The following PLD1 variants were observed in gnomAD, a reference collection of about 807,000 sequenced individuals.
PLD1 encodes the protein phospholipase D1.
Under a neutral mutation model 137.1 loss-of-function variants are expected in PLD1, and 112 were observed. The ratio of observed to expected loss-of-function variants is 0.82; its 90% confidence interval spans 0.70 to 0.96. The LOEUF (loss-of-function observed/expected upper bound fraction) is 0.96. PLD1 is among the 40% of genes least tolerant of loss of function. The pLI is 0.00. For missense variants in PLD1, 1,321 were observed against 1,342.0 expected, an observed-to-expected ratio of 0.98 and a Z score of 0.24; for synonymous variants, 431 against 454.7, an observed-to-expected ratio of 0.95 and a Z score of 0.66.
Position 171,737,648 on chromosome 3 carries a change from AAGGG to A in PLD1, c.168_171del (p.Pro57SerfsTer24). Reference sequence around the variant, plus strand: ...CCTTGAGTGTTATAAATAGCAGAGAAAGGGATATACACTAAAAAAAAAAGTAAAT... The same window carrying A: ...CCTTGAGTGTTATAAATAGCAGAGAAATATACACTAAAAAAAAAAGTAAAT... On this transcript the variant is annotated frameshift_variant, in exon 3 of 27. Coordinates refer to ENST00000351298, the MANE Select transcript of PLD1 (RefSeq NM_002662.5). LOFTEE classifies it high-confidence loss of function. 6.4e-7 allele frequency: 1 copy of A among 1,561,224 alleles called. No homozygotes were observed. The highest frequency in any genetic ancestry group is 8.8e-7 in the Non-Finnish European group (1 of 1,136,526).
chr3:171,802,523 AT>A (rs150605252), intron 1 of PLD1, among the ~76,000 whole-genome samples: 3,361 of 152,288 alleles, frequency 0.022, 76 homozygotes, highest in Non-Finnish European at 0.028. Flanking sequence ...GAATAGCATG[AT>A]TAAAAGGCCC....
At chr3:171,629,212 C>A (rs1419502136) in intron 23 of PLD1, among the ~76,000 whole-genome samples, 2 of 151,918 alleles carry the variant, frequency 1.3e-5, no homozygotes. Context: ...TTCTTATACA[C>A]CAATAACAGA....
chr3:171,635,557 A>C (rs1735032324), intron 23 of PLD1, among the ~76,000 whole-genome samples: 1 of 152,004 alleles, frequency 6.6e-6, no homozygotes, highest in African/African-American at 2.4e-5. Context: ...ATCCAGTTGA[A>C]TATCTTCTTT....
At chr3:171,752,404 TG>T (rs1341024459) in intron 1 of PLD1, among the ~76,000 whole-genome samples, 1 of 152,232 alleles carries the variant, frequency 6.6e-6, no homozygotes, top group Non-Finnish European at 1.5e-5. Flanking sequence ...CATACAAATC[TG>T]ACATTTTTTC....
chr3:171,647,015 A>T lies in PLD1; in HGVS notation c.2430-1992T>A, dbSNP rs1471459999. On this transcript the variant is annotated intron_variant, in intron 21 of 26. Transcript: ENST00000351298. ...TGGCTCTTCCAGTCAGAGTTGTTTT[A>T]TTCTTGCCTCGGCACTCATAGCACA... 2.0e-5 allele frequency among the ~76,000 whole-genome samples: 3 copies of T among 152,046 alleles called. No homozygotes were observed. In the East Asian group the frequency reaches 5.8e-4, roughly 29 times the overall value.
chr3:171,649,151 T>C (rs1371875966), intron 21 of PLD1, among the ~76,000 whole-genome samples: 3 of 152,192 alleles, frequency 2.0e-5, no homozygotes, highest in Non-Finnish European at 2.9e-5. Flanking sequence ...GGAGATCTCA[T>C]ATGTATGATA....
At chr3:171,732,303 T>C (rs1719002400) in intron 6 of PLD1, among the ~76,000 whole-genome samples, 1 of 152,144 alleles carries the variant, frequency 6.6e-6, no homozygotes, top group Non-Finnish European at 1.5e-5. Context: ...GATCCTCTGG[T>C]GCAACCCAAA....
intron 16 of PLD1, among the ~76,000 whole-genome samples, chr3:171,679,991 C>A (rs1228506146): frequency 1.3e-5 from 2 of 152,106 alleles, no homozygotes; most frequent in African/African-American, 4.8e-5. Context: ...TTTGTCAGGC[C>A]AATTTTCTGC....
intron 17 of PLD1, 100 bp from the exon 18 acceptor site, chr3:171,676,933 G>T: frequency 1.4e-6 from 1 of 703,376 alleles, no homozygotes; most frequent in Non-Finnish European, 2.5e-6. Context: ...GTGGGTTAGT[G>T]CCCACTAGGT....
At chr3:171,639,603 AATATATATT>A (rs1462917615) in intron 23 of PLD1, among the ~76,000 whole-genome samples, 1 of 85,272 alleles carries the variant, frequency 1.2e-5, no homozygotes, top group Non-Finnish European at 2.0e-5. Flanking sequence ...ATATTCATAT[AATATATATT>A]ATATATAATA....
rs1281348053 is a variant in PLD1 at position 171,612,820 on chromosome 3, GC to G, written c.2729-389del. On this transcript the variant is annotated intron_variant, in intron 24 of 26. Transcript: ENST00000351298. The surrounding 1 kb of genome is among the most constrained non-coding windows in gnomAD (Gnocchi z 4.1). ...AGAAGACATGATTCCAGGAGCTGCT[GC>G]AGCCATTTCACAACCACTAGAGAAC... Among the ~76,000 whole-genome samples, 1 of 152,092 alleles carries G rather than the reference GC, an allele frequency of 6.6e-6. No individual in the cohort carries two copies. Among genetic ancestry groups the G allele is most frequent in the Non-Finnish European group, 1.5e-5 (1 of 68,010 alleles).
At position 171,704,687 on chromosome 3, in the gene PLD1, C is replaced by T. The variant is rs183449953; in HGVS notation, c.1145+4068G>A. Reference sequence around the variant, plus strand: ...ATTTTCAAAGTGAAAAACACTATTACCAAAAACACTAGAAAAACAAAAGCA... The same window carrying T: ...ATTTTCAAAGTGAAAAACACTATTATCAAAAACACTAGAAAAACAAAAGCA... On this transcript the variant is annotated intron_variant, in intron 11 of 26. Coordinates refer to ENST00000351298, the MANE Select transcript of PLD1 (RefSeq NM_002662.5). Among the ~76,000 whole-genome samples the T allele has an allele frequency of 7.4e-4, 113 of 152,190 alleles. 1 individual carries two copies. The highest frequency in any genetic ancestry group is 6.5e-3 in the Admixed American group (100 of 15,292).
At chr3:171,774,340 A>G (rs1560297039) in intron 1 of PLD1, among the ~76,000 whole-genome samples, 2 of 152,182 alleles carry the variant, frequency 1.3e-5, no homozygotes, top group South Asian at 2.1e-4. Flanking sequence ...TGGAAGGGAA[A>G]GGGTCCCCAG....
chr3:171,701,459 C>G (rs1290570161), intron 11 of PLD1, among the ~76,000 whole-genome samples: 3 of 152,156 alleles, frequency 2.0e-5, no homozygotes, highest in Non-Finnish European at 4.4e-5. Context: ...AATATGGGCT[C>G]AAAGAGCTTC....
chr3:171,735,647 T>C lies in PLD1; in HGVS notation c.289-10A>G. 1.4e-6 allele frequency: 2 copies of C among 1,438,666 alleles called. No homozygotes were observed. Among genetic ancestry groups the C allele is most frequent in the Admixed American group, 1.7e-5 (1 of 58,500 alleles). The allele number at this position is 1,438,666 out of a possible 1,614,324, so 89.1% of individuals were successfully genotyped here. The stretch of plus-strand genomic sequence containing the variant: ...GATTAATACTTGGTACCTACAGTGA[T>C]ACATAAAAATGTTTGATATTTTAGA... On this transcript the variant is annotated splice_polypyrimidine_tract_variant and intron_variant, in intron 3 of 26. Coordinates refer to ENST00000351298, the MANE Select transcript of PLD1 (RefSeq NM_002662.5).
chr3:171,644,799 C>A, intron 22 of PLD1, 111 bp downstream of exon 22: 2 of 711,450 alleles, frequency 2.8e-6, no homozygotes, highest in Non-Finnish European at 2.6e-6. Context: ...ATAAAGTGTT[C>A]ATTTGTTCCC....
At chr3:171,618,810 G>T in intron 24 of PLD1, among the ~76,000 whole-genome samples, 1 of 132,602 alleles carries the variant, frequency 7.5e-6, no homozygotes, top group Non-Finnish European at 1.6e-5. Flanking sequence ...AGGAGATAAA[G>T]GAACAATATT....
intron 11 of PLD1, among the ~76,000 whole-genome samples, chr3:171,705,517 T>C (rs1206596683): frequency 6.6e-6 from 1 of 152,106 alleles, no homozygotes; most frequent in Non-Finnish European, 1.5e-5. Context: ...AAATACCTCC[T>C]ACAACTAAAT....
At chr3:171,799,063 A>C (rs13092541) in intron 1 of PLD1, among the ~76,000 whole-genome samples, 2 of 152,228 alleles carry the variant, frequency 1.3e-5, no homozygotes, top group African/African-American at 4.8e-5. Context: ...GACTCAGGCC[A>C]GGCGCGGTGG....
Sources: gnomAD v4.1 joint callset for allele counts (sites outside exome capture counted in the v4.1 genomes callset) on GRCh38, gnomAD v4.1.1 for gene constraint, Gnocchi (gnomAD v3.1) non-coding constraint, MANE v1.5 for transcripts, NCBI Gene and HGNC (gene_info 2026-07-23, HGNC 2026-07-21) for gene names.